The following ZNF695 variants were observed in gnomAD, a reference collection of about 807,000 sequenced individuals.
ZNF695 encodes zinc finger protein SBZF3.
ZNF695 carries 11 observed loss-of-function variants against 11.2 expected under a neutral mutation model. The ratio of observed to expected loss-of-function variants is 0.98; its 90% CI spans 0.62 to 1.62. The LOEUF (loss-of-function observed/expected upper bound fraction) is 1.62. Among genes scored for constraint, ZNF695 ranks in the 40% most tolerant of loss-of-function variants. ZNF695 has a pLI of 0.00. For missense variants in ZNF695, 559 were observed against 590.5 expected, an observed-to-expected ratio of 0.95 and a Z score of 0.55; for synonymous variants, 190 against 201.4, an observed-to-expected ratio of 0.94 and a Z score of 0.48.
intron 5 of ZNF695, among the ~76,000 whole-genome samples, chr1:246,950,650 CAAAAAAAAAAAAAAAAAA>C (rs200143022): frequency 1.9e-5 from 2 of 105,370 alleles, no homozygotes; most frequent in Non-Finnish European, 3.6e-5. Flanking sequence ...AACTCCGTTT[CAAAAAAAAAAAAAAAAAA>C]AAAAAAAAAT....
downstream of ZNF695, among the ~76,000 whole-genome samples, chr1:246,984,111 C>A: frequency 7.3e-6 from 1 of 137,266 alleles, no homozygotes; most frequent in African/African-American, 2.7e-5. Flanking sequence ...GAGATTACAC[C>A]AGTGCACACC....
intron 3 of ZNF695, among the ~76,000 whole-genome samples, chr1:246,997,353 AT>A (rs1167823932): frequency 6.6e-6 from 1 of 152,020 alleles, no homozygotes; most frequent in Non-Finnish European, 1.5e-5. Flanking sequence ...AAATACAAAA[AT>A]TTGCCAGATG....
Position 246,976,793 on chromosome 1 carries a change from CAAAT to C in ZNF695, c.391-9005_391-9002del, listed in dbSNP as rs569407542. ...TGGGCGACAGAGCGAAACTCCGTCT[CAAAT>C]AAATAAATAAATAAATAAATAACAC... On this transcript the variant is annotated intron_variant, in intron 4 of 5. Transcript: ENST00000487338. Among the ~76,000 whole-genome samples, 73 of 151,418 alleles carry C rather than the reference CAAAT, an allele frequency of 4.8e-4. 1 individual carries two copies. Among genetic ancestry groups the C allele is most frequent in the South Asian group, 1.7e-3 (8 of 4,814 alleles).
At chr1:246,972,676 C>G (rs1464632928) in intron 4 of ZNF695, among the ~76,000 whole-genome samples, 6 of 151,952 alleles carry the variant, frequency 3.9e-5, no homozygotes, top group Admixed American at 3.9e-4. Flanking sequence ...CCTGCCACCA[C>G]GCCCAGCTAA....
chr1:246,982,270 C>CAAAAAAAAAAA (rs11397736), downstream of ZNF695, among the ~76,000 whole-genome samples: 1 of 111,236 alleles, frequency 9.0e-6, no homozygotes, highest in Non-Finnish European at 1.8e-5. Context: ...AACTTAGTCT[C>CAAAAAAAAAAA]AAAAAAAAAA....
intron 1 of ZNF695, among the ~76,000 whole-genome samples, chr1:247,002,333 G>C (rs2642958): frequency 1.3e-5 from 2 of 152,104 alleles, no homozygotes; most frequent in African/African-American, 4.8e-5. Flanking sequence ...CCGCATCCCA[G>C]AATCTCTTGG....
chr1:246,990,010 A>G (rs1668979749), intron 3 of ZNF695, among the ~76,000 whole-genome samples: 1 of 35,954 alleles, frequency 2.8e-5, no homozygotes, highest in South Asian at 7.1e-4. Context: ...TGAAAGGGAG[A>G]AAGGGAGAAA....
intron 1 of ZNF695, among the ~76,000 whole-genome samples, chr1:247,002,802 A>G (rs2642957): frequency 0.91 from 137,752 of 151,630 alleles, 62,663 homozygotes; most frequent in East Asian, 0.99. Context: ...AGGGGGGGGC[A>G]GCAAAGGACT....
Position 246,987,548 on chromosome 1 carries a change from GT to G in ZNF695, c.966del (p.Lys322AsnfsTer46). 1 of 1,601,216 alleles carries G rather than the reference GT, an allele frequency of 6.2e-7. No homozygotes were observed. Among genetic ancestry groups the G allele is most frequent in the Non-Finnish European group, 8.5e-7 (1 of 1,174,778 alleles). ...TTGCCACATTCTTCACACTTGTAGG[GT>G]TTCTCTCTACTATGAATTCTCTTGT... Reference protein sequence around the residue: ...TQHKRIHSREKPYKCEECGKV... With the variant: ...TQHKRIHSREXPYKCEECGKV... On this transcript the variant is annotated frameshift_variant, in exon 4 of 4. Coordinates refer to ENST00000339986, the MANE Select transcript of ZNF695 (RefSeq NM_020394.5). LOFTEE classifies it low-confidence loss of function (END_TRUNC).
intron 1 of ZNF695, among the ~76,000 whole-genome samples, chr1:247,007,634 C>A (rs1163618410): frequency 6.6e-6 from 1 of 152,154 alleles, no homozygotes; most frequent in East Asian, 1.9e-4. Context: ...CGCGGCGCTG[C>A]GGGCGCGGGG....
At chr1:246,992,339 A>G (rs1669065771) in intron 3 of ZNF695, among the ~76,000 whole-genome samples, 3 of 152,148 alleles carry the variant, frequency 2.0e-5, no homozygotes, top group Non-Finnish European at 4.4e-5. Flanking sequence ...TGTGGAATCT[A>G]AAAGTCCAAA....
chr1:246,966,672 G>A (rs560654451), intron 5 of ZNF695, among the ~76,000 whole-genome samples: 4 of 152,174 alleles, frequency 2.6e-5, no homozygotes, highest in South Asian at 4.1e-4. Flanking sequence ...TGTAGTACTA[G>A]CTACCCAAGA....
intron 4 of ZNF695, among the ~76,000 whole-genome samples, chr1:246,975,511 A>T (rs1668534978): frequency 6.6e-6 from 1 of 152,236 alleles, no homozygotes; most frequent in African/African-American, 2.4e-5. Context: ...TTTAACAATT[A>T]CAATGCACTG....
intron 4 of ZNF695, among the ~76,000 whole-genome samples, chr1:246,977,732 GAA>G (rs1668605966): frequency 6.6e-6 from 1 of 152,194 alleles, no homozygotes; most frequent in African/African-American, 2.4e-5. Flanking sequence ...CAGCTACAAA[GAA>G]AAGACTTTTG....
chr1:246,999,934 G>A lies in ZNF695; in HGVS notation c.144C>T (p.Phe48=). Residue 48 remains phenylalanine, a synonymous_variant, in exon 2 of 4, where the codon TTC becomes TTT. Transcript: ENST00000339986. The part of the protein sequence containing the change: ...RNLISLGEDS[F]NMQFLFHSLA... ...TACTGTGAAATAGGAATTGCATATT[G>A]AAGCTATCCTCACCAAGGGAGATCA... 6.2e-7 allele frequency: 1 copy of A among 1,614,074 alleles called. No homozygotes were observed. Among genetic ancestry groups the A allele is most frequent in the Non-Finnish European group, 8.5e-7 (1 of 1,179,998 alleles).
chr1:246,958,647 G>T (rs985802453), intron 5 of ZNF695, among the ~76,000 whole-genome samples: 1 of 152,114 alleles, frequency 6.6e-6, no homozygotes, highest in Non-Finnish European at 1.5e-5. Context: ...GCCAGCCTTT[G>T]AGTCTTCCAG....
intron 1 of ZNF695, among the ~76,000 whole-genome samples, chr1:247,002,120 T>G (rs927204268): frequency 4.0e-5 from 6 of 151,536 alleles, no homozygotes; most frequent in African/African-American, 1.5e-4. Flanking sequence ...AAAAAAAAAC[T>G]GTTATCACAC....
At chr1:246,979,401 T>C (rs953760958) in intron 4 of ZNF695, among the ~76,000 whole-genome samples, 54 of 152,096 alleles carry the variant, frequency 3.6e-4, no homozygotes, top group African/African-American at 1.3e-3. Context: ...CAGGAGAGCA[T>C]CCTGGGTAAT....
chr1:247,001,585 C>A (rs1269159599), intron 1 of ZNF695, among the ~76,000 whole-genome samples: 1 of 151,122 alleles, frequency 6.6e-6, no homozygotes, highest in Non-Finnish European at 1.5e-5. Context: ...TGGTGGCGGG[C>A]GCCTGTAATC....
Sources: gnomAD v4.1 joint callset for allele counts (sites outside exome capture counted in the v4.1 genomes callset) on GRCh38, gnomAD v4.1.1 for gene constraint, MANE v1.5 for transcripts, NCBI Gene and HGNC (gene_info 2026-07-23, HGNC 2026-07-21) for gene names.